DUSP22: variants seen among roughly 807,000 people sequenced by gnomAD.
The protein encoded by DUSP22 is dual specificity protein phosphatase 22.
A neutral mutation model predicts 24.5 loss-of-function variants in DUSP22; 24 were observed. The observed-to-expected ratio is 0.98, with a 90% CI of 0.71 to 1.38. The LOEUF (loss-of-function observed/expected upper bound fraction) is 1.38, where lower values mean the gene tolerates loss of function less well. Ranked by LOEUF, DUSP22 falls within the 40% of genes most tolerant of loss-of-function variation. DUSP22 has a pLI of 0.00. For synonymous variants in DUSP22, 160 were observed against 106.4 expected (o/e 1.50, Z -3.10); for missense variants, 330 against 269.2 (o/e 1.23, Z -1.58).
chr6:295,151 A>C (rs1173115051), intron 1 of DUSP22, among the ~76,000 whole-genome samples: 1 of 152,296 alleles, frequency 6.6e-6, no homozygotes, highest in African/African-American at 2.4e-5. Context: ...TTCTAAGAAC[A>C]TTTATAAATA....
At chr6:310,580 A>G (rs1299399710) in intron 2 of DUSP22, among the ~76,000 whole-genome samples, 1 of 152,312 alleles carries the variant, frequency 6.6e-6, no homozygotes. Context: ...GTGAATATAG[A>G]TGATGTAAAC....
Position 335,158 on chromosome 6 carries a change from A to G in DUSP22, c.183A>G (p.Gln61=). Residue 61 remains glutamine, a synonymous_variant, in exon 4 of 7, where the codon CAA becomes CAG. Transcript: ENST00000419235. ...TCCCAGCAGCGGATTCACCATCTCA[A>G]AACCTGTAAGTTTCTTATTTCTGTA... ...LCIPAADSPS[Q]NLTRHFKESI... 6.2e-7 allele frequency: 1 copy of G among 1,613,820 alleles called. No individual in the cohort carries two copies. The highest frequency in any genetic ancestry group is 2.2e-5 in the East Asian group (1 of 44,886).
At chr6:322,443 G>C (rs541881148) in intron 3 of DUSP22, among the ~76,000 whole-genome samples, 1 of 152,154 alleles carries the variant, frequency 6.6e-6, no homozygotes, top group Non-Finnish European at 1.5e-5. Flanking sequence ...CCAGTGTAGA[G>C]CTTGAGTTTT....
chr6:324,513 C>T (rs1286909170), intron 3 of DUSP22, among the ~76,000 whole-genome samples: 5 of 152,418 alleles, frequency 3.3e-5, no homozygotes, highest in Non-Finnish European at 4.4e-5. Context: ...ACAGAAGAGC[C>T]GCTGTTCTCA....
intron 2 of DUSP22, 90 bp downstream of exon 2, chr6:304,751 T>C (rs1482755534): frequency 6.4e-7 from 1 of 1,557,966 alleles, no homozygotes; most frequent in African/African-American, 1.3e-5. Context: ...GGTCAGTGGC[T>C]TTAAGTAATT....
intron 3 of DUSP22, among the ~76,000 whole-genome samples, chr6:332,691 T>A (rs1759192737): frequency 6.6e-6 from 1 of 152,292 alleles, no homozygotes; most frequent in African/African-American, 2.4e-5. Flanking sequence ...TAGGCTGATT[T>A]TAGATTCTGC....
At chr6:335,232 A>G (rs1049300983) in intron 4 of DUSP22, 69 bp downstream of exon 4, 67 of 1,578,818 alleles carry the variant, frequency 4.2e-5, no homozygotes, top group Non-Finnish European at 5.8e-5. Context: ...AAAGTCAGAG[A>G]AGTAGAAGAC....
chr6:305,193 C>T (rs1328493254), intron 2 of DUSP22, among the ~76,000 whole-genome samples: 1 of 152,286 alleles, frequency 6.6e-6, no homozygotes, highest in African/African-American at 2.4e-5. Context: ...AGTGTAGACT[C>T]AGTCTACAGT....
chr6:348,804 C>A lies in DUSP22; in HGVS notation c.471C>A (p.Ser157Arg). Residue 157 changes from serine to arginine, a missense_variant, in exon 7 of 7, where the codon AGC becomes AGA. Transcript: ENST00000419235. Reference protein sequence around the residue: ...RQWLKEEYGESPLQDAEEAKN... With the variant: ...RQWLKEEYGERPLQDAEEAKN... ...GGCTGAAGGAAGAATATGGAGAGAG[C>A]CCTTTGCAGGATGCAGAAGAAGCCA... 6.2e-7 allele frequency: 1 copy of A among 1,614,312 alleles called. No individual in the cohort carries two copies. The highest frequency in any genetic ancestry group is 1.3e-5 in the African/African-American group (1 of 75,088).
intron 4 of DUSP22, among the ~76,000 whole-genome samples, chr6:341,475 C>A (rs957640741): frequency 3.3e-5 from 5 of 152,426 alleles, no homozygotes; most frequent in Non-Finnish European, 7.3e-5. Context: ...GGAAATAACA[C>A]CCCCACACAC....
intron 1 of DUSP22, among the ~76,000 whole-genome samples, chr6:304,078 C>G (rs111634540): frequency 1.3e-5 from 2 of 152,252 alleles, no homozygotes; most frequent in Non-Finnish European, 2.9e-5. Context: ...CAACAGGATT[C>G]GTTTGCTGCC....
At chr6:322,856 G>A (rs1758675221) in intron 3 of DUSP22, among the ~76,000 whole-genome samples, 1 of 150,752 alleles carries the variant, frequency 6.6e-6, no homozygotes, top group South Asian at 2.1e-4. Context: ...CTTCGAGTCT[G>A]CAATAGGAAG....
At chr6:339,002 C>T (rs905071081) in intron 4 of DUSP22, among the ~76,000 whole-genome samples, 3 of 152,306 alleles carry the variant, frequency 2.0e-5, no homozygotes, top group Non-Finnish European at 4.4e-5. Context: ...TTTGAGATAA[C>T]ATTAACATGT....
chr6:327,372 C>T (rs554543292), intron 3 of DUSP22, among the ~76,000 whole-genome samples: 1 of 152,426 alleles, frequency 6.6e-6, no homozygotes, highest in East Asian at 1.9e-4. Context: ...ACGGTGACTC[C>T]AGGGCTACCT....
chr6:348,040 A>AT, intron 5 of DUSP22, 63 bp from the exon 6 acceptor site: 3 of 1,599,744 alleles, frequency 1.9e-6, no homozygotes, highest in Non-Finnish European at 1.7e-6. Context: ...CTCCACATGG[A>AT]TTGGGCGATG....
chr6:297,249 G>T (rs1250492079), intron 1 of DUSP22, among the ~76,000 whole-genome samples: 1 of 152,310 alleles, frequency 6.6e-6, no homozygotes, highest in Non-Finnish European at 1.5e-5. Flanking sequence ...GCTGTAAAAT[G>T]AGGGTAATGA....
intron 2 of DUSP22, among the ~76,000 whole-genome samples, chr6:310,958 A>G (rs1758057122): frequency 4.6e-5 from 7 of 152,302 alleles, no homozygotes; most frequent in Admixed American, 4.6e-4. Context: ...CAAAATTAAT[A>G]CAGAGGGTTT....
intron 1 of DUSP22, among the ~76,000 whole-genome samples, chr6:295,240 C>T (rs529008610): frequency 5.8e-4 from 88 of 152,406 alleles, no homozygotes; most frequent in Non-Finnish European, 2.5e-4. Context: ...TTTCCAATCT[C>T]GTACACATTG....
At position 349,406 on chromosome 6, in the gene DUSP22, C is replaced by T. The variant is rs1301188127; in HGVS notation, c.*455C>T. ...CATATTGCTGCCCGGGTTGGTGTGG[C>T]CACCTTTCCCTTTGTCCAAGACTCC... On this transcript the variant is annotated 3_prime_UTR_variant, in exon 7 of 7. Transcript: ENST00000419235. The T allele has an allele frequency of 1.1e-5, 11 of 1,019,496 alleles. No individual in the cohort carries two copies. The African/African-American group carries it at 1.9e-4, about 18-fold the overall frequency. 63.2% of individuals were successfully genotyped at this position (1,019,496 alleles called of 1,614,324 possible). A position where few individuals can be genotyped will look rare whatever the true frequency, so the allele number is the denominator to read the frequency against.
Sources: gnomAD v4.1 joint callset for allele counts (sites outside exome capture counted in the v4.1 genomes callset) on GRCh38, gnomAD v4.1.1 for gene constraint, MANE v1.5 for transcripts, NCBI Gene and HGNC (gene_info 2026-07-23, HGNC 2026-07-21) for gene names.